TLK1: variants seen among roughly 807,000 people sequenced by gnomAD.
TLK1 encodes tousled like kinase 1.
TLK1 carries 24 observed loss-of-function variants against 105.3 expected under a neutral mutation model. The observed-to-expected ratio is 0.23, with a 90% CI of 0.17 to 0.32. The LOEUF is 0.32. TLK1 is among the 10% of genes least tolerant of loss of function. TLK1 has a pLI of 1.00. For synonymous variants in TLK1, 321 were observed against 310.4 expected (o/e 1.03, Z -0.36); for missense variants, 558 against 910.5 (o/e 0.61, Z 4.98).
chr2:171,216,645 C>T (rs1462555971), intron 1 of TLK1, among the ~76,000 whole-genome samples: 3 of 152,078 alleles, frequency 2.0e-5, no homozygotes, highest in Admixed American at 2.0e-4. Flanking sequence ...ACCCCTAGTA[C>T]CTTAGAATAT....
At chr2:171,106,937 G>A (rs1446490499) in intron 2 of TLK1, among the ~76,000 whole-genome samples, 3 of 151,782 alleles carry the variant, frequency 2.0e-5, no homozygotes, top group African/African-American at 4.8e-5. Context: ...TCACAAAAAC[G>A]TCCTTTATAA....
chr2:171,180,344 G>T (rs1692907414), intron 1 of TLK1, among the ~76,000 whole-genome samples: 1 of 152,020 alleles, frequency 6.6e-6, no homozygotes, highest in African/African-American at 2.4e-5. Flanking sequence ...TACCCATATT[G>T]ATATCTCTCT....
chr2:171,000,368 A>G (rs1248156410), intron 18 of TLK1, among the ~76,000 whole-genome samples: 2 of 126,874 alleles, frequency 1.6e-5, no homozygotes, highest in Non-Finnish European at 3.4e-5. Flanking sequence ...GACAGAGCGA[A>G]ACTCTGTCAA....
chr2:171,129,608 G>A (rs1269486349), intron 1 of TLK1, among the ~76,000 whole-genome samples: 6 of 152,106 alleles, frequency 3.9e-5, no homozygotes, highest in Non-Finnish European at 7.4e-5. Context: ...GAAGGCCAAG[G>A]CAGGCAGGTC....
chr2:171,135,227 G>A (rs1691257985), intron 1 of TLK1, among the ~76,000 whole-genome samples: 1 of 151,802 alleles, frequency 6.6e-6, no homozygotes, highest in African/African-American at 2.4e-5. Context: ...AATTTCAAAT[G>A]TCTTGCTGGA....
chr2:171,224,512 A>G (rs2105332526), intron 1 of TLK1, among the ~76,000 whole-genome samples: 2 of 152,212 alleles, frequency 1.3e-5, no homozygotes, highest in South Asian at 4.1e-4. Flanking sequence ...ACTGCTTTGT[A>G]TAGTCCTAAT....
At chr2:171,194,820 GA>G (rs370489277) in intron 1 of TLK1, among the ~76,000 whole-genome samples, 31,940 of 94,280 alleles carry the variant, frequency 0.34, 3,789 homozygotes, top group African/African-American at 0.48. Flanking sequence ...CCGTCTCAGG[GA>G]AAAAAAAAAA....
intron 1 of TLK1, among the ~76,000 whole-genome samples, chr2:171,150,084 G>C (rs907032330): frequency 1.3e-5 from 2 of 152,140 alleles, no homozygotes; most frequent in African/African-American, 4.8e-5. Context: ...TTAAGTGCAA[G>C]GCATGTGTTA....
intron 1 of TLK1, among the ~76,000 whole-genome samples, chr2:171,220,940 C>T (rs1693798909): frequency 6.6e-6 from 1 of 152,146 alleles, no homozygotes; most frequent in Non-Finnish European, 1.5e-5. Flanking sequence ...AATCCCAGCA[C>T]TTTGGGAAGC....
At chr2:171,139,626 C>A (rs1018964230) in intron 1 of TLK1, among the ~76,000 whole-genome samples, 3 of 151,438 alleles carry the variant, frequency 2.0e-5, no homozygotes, top group Admixed American at 6.6e-5. Flanking sequence ...ACAACAACAA[C>A]AAAAACCGGT....
At chr2:171,086,625 C>CA (rs1273777981) in intron 2 of TLK1, among the ~76,000 whole-genome samples, 194 of 78,646 alleles carry the variant, frequency 2.5e-3, no homozygotes, top group African/African-American at 7.7e-3. Flanking sequence ...GACTCCGTCT[C>CA]AAAAAAAACA....
intron 14 of TLK1, among the ~76,000 whole-genome samples, chr2:171,008,198 C>T (rs1684733840): frequency 6.6e-6 from 1 of 152,062 alleles, no homozygotes; most frequent in African/African-American, 2.4e-5. Context: ...ATTCTGTTTG[C>T]AATCAGATTA....
chr2:171,036,205 G>A lies in TLK1; in HGVS notation c.1170-7800C>T, dbSNP rs547627769. ...CACGCCTGCAATCCCAGCACTTTGGGAGGCCAAGGCGGGTGAACTGCTTGA... is the reference window on the plus strand; with the variant it reads ...CACGCCTGCAATCCCAGCACTTTGGAAGGCCAAGGCGGGTGAACTGCTTGA... On this transcript the variant is annotated intron_variant, in intron 11 of 20. Coordinates refer to ENST00000431350, the MANE Select transcript of TLK1 (RefSeq NM_012290.5). Among the ~76,000 whole-genome samples, 3 of 152,330 alleles carry A rather than the reference G, an allele frequency of 2.0e-5. No individual in the cohort carries two copies. In the East Asian group the frequency reaches 5.8e-4, roughly 29 times the overall value.
chr2:171,012,478 TTTA>T (rs1202550422), intron 13 of TLK1, among the ~76,000 whole-genome samples: 1 of 152,086 alleles, frequency 6.6e-6, no homozygotes, highest in Admixed American at 6.5e-5. Context: ...TGTATTTTTA[TTTA>T]TTTATTTATT....
chr2:171,071,454 AT>A (rs1688251628), intron 3 of TLK1, among the ~76,000 whole-genome samples: 1 of 151,832 alleles, frequency 6.6e-6, no homozygotes, highest in East Asian at 1.9e-4. Context: ...TGTCCAGCTA[AT>A]TTTTTGTATT....
intron 3 of TLK1, among the ~76,000 whole-genome samples, chr2:171,079,389 A>G (rs1272217787): frequency 1.3e-5 from 2 of 152,172 alleles, no homozygotes; most frequent in Admixed American, 1.3e-4. Context: ...CACAGCCTAC[A>G]CTGTCATGAG....
chr2:171,110,227 T>C (rs1690102105), intron 2 of TLK1, among the ~76,000 whole-genome samples: 2 of 152,324 alleles, frequency 1.3e-5, no homozygotes, highest in African/African-American at 4.8e-5. Context: ...GCCAGCACTT[T>C]GGGAAGCCAA....
At chr2:171,018,214 A>T (rs1685301379) in intron 12 of TLK1, among the ~76,000 whole-genome samples, 1 of 152,172 alleles carries the variant, frequency 6.6e-6, no homozygotes, top group African/African-American at 2.4e-5. Flanking sequence ...AGAAAAGGCC[A>T]TGTTAGGATA....
intron 19 of TLK1, among the ~76,000 whole-genome samples, 173 bp downstream of exon 19, chr2:170,997,539 T>G (rs1359926712): frequency 6.6e-6 from 1 of 152,194 alleles, no homozygotes; most frequent in East Asian, 1.9e-4. Flanking sequence ...TAAACTGGTG[T>G]GACATTAAAA....
Sources: gnomAD v4.1 joint callset for allele counts (sites outside exome capture counted in the v4.1 genomes callset) on GRCh38, gnomAD v4.1.1 for gene constraint, MANE v1.5 for transcripts, NCBI Gene and HGNC (gene_info 2026-07-23, HGNC 2026-07-21) for gene names.